Variants in QRICH1 observed in about 807,000 individuals in gnomAD.
The protein encoded by QRICH1 is glutamine rich 1.
QRICH1 carries 16 observed loss-of-function variants against 87.1 expected under a neutral mutation model. That is an observed-to-expected ratio of 0.18 (90% CI 0.12 to 0.28). The LOEUF is 0.28. Among genes scored for constraint, QRICH1 ranks in the 10% least tolerant of loss-of-function variants. The probability of loss-of-function intolerance (pLI) is 1.00; values close to 1 mark genes in which losing one functional copy is unlikely to be tolerated. For synonymous variants in QRICH1, 367 were observed against 368.4 expected, an observed-to-expected ratio of 1.00 and a Z score of 0.05; for missense variants, 647 against 951.7, an observed-to-expected ratio of 0.68 and a Z score of 4.21.
chr3:49,057,276 G>C lies in QRICH1; in HGVS notation c.924C>G (p.Thr308=). The change falls in exon 3 of 10, where the codon ACC becomes ACG. Residue 308 remains threonine (T), a synonymous_variant. Coordinates refer to ENST00000395443, the MANE Select transcript of QRICH1 (RefSeq NM_198880.3). The surrounding 1 kb of genome is among the most constrained non-coding windows in gnomAD (Gnocchi z 5.4). ...TGTITSPTGE[T]WTIPVYSAQP... ...GGGCAGAATAAACAGGGATGGTCCA[G>C]GTTTCTCCTGTAGGGCTAGTAATGG... 1 of 1,614,234 alleles carries C rather than the reference G, an allele frequency of 6.2e-7. No homozygotes were observed. The highest frequency in any genetic ancestry group is 8.5e-7 in the Non-Finnish European group (1 of 1,180,050).
intron 2 of QRICH1, among the ~76,000 whole-genome samples, chr3:49,059,002 C>T (rs1192609585): frequency 1.1e-4 from 17 of 149,844 alleles, no homozygotes; most frequent in African/African-American, 4.2e-4. Context: ...CGCTTTGTCG[C>T]CCAGGCTGGA....
chr3:49,053,486 CAAAAAAAAAAAA>C lies in QRICH1; in HGVS notation c.1338+3364_1338+3375del, dbSNP rs11417565. ...GGTGACAGAATGAGACCCCCTGTCT[CAAAAAAAAAAAA>C]AAAAAAACAAGTCTCAACAATGGGC... On this transcript the variant is annotated intron_variant, in intron 3 of 9. Transcript: ENST00000395443. 3.5e-5 allele frequency among the ~76,000 whole-genome samples: 4 copies of C among 112,916 alleles called. No homozygotes were observed. In the South Asian group the frequency reaches 1.2e-3, roughly 34 times the overall value. The allele number at this position is 112,916 out of a possible 152,430, so 74.1% of individuals were successfully genotyped here.
chr3:49,059,626 G>A lies in QRICH1; in HGVS notation c.310-1736C>T, dbSNP rs560349648. 2.8e-3 allele frequency among the ~76,000 whole-genome samples: 423 copies of A among 150,828 alleles called. 4 individuals carry two copies. Among genetic ancestry groups the A allele is most frequent in the African/African-American group, 9.8e-3 (401 of 41,092 alleles). On this transcript the variant is annotated intron_variant, in intron 2 of 9. Coordinates refer to ENST00000395443, the MANE Select transcript of QRICH1 (RefSeq NM_198880.3). ...GTAGAGACGAGGTTTCACCATGTTG[G>A]TTGGCCAGGATGGTCTCGATCTCTT...
intron 1 of QRICH1, chr3:49,093,353 T>G (rs1259240680): frequency 6.6e-6 from 1 of 152,048 alleles, no homozygotes; most frequent in Non-Finnish European, 1.5e-5. Flanking sequence ...CTGGTTGGTT[T>G]CTCTCCAGGC....
chr3:49,037,589 G>A (rs955872520), intron 6 of QRICH1, among the ~76,000 whole-genome samples: 9 of 152,146 alleles, frequency 5.9e-5, no homozygotes, highest in African/African-American at 2.2e-4. Context: ...AAAATTAGCT[G>A]GGTGTGGTGG....
At chr3:49,046,322 A>C (rs2093339444) in intron 5 of QRICH1, 103 bp downstream of exon 5, 1 of 1,279,846 alleles carries the variant, frequency 7.8e-7, no homozygotes, top group African/African-American at 1.5e-5. Context: ...CTGAAAGAGA[A>C]CTTCCTTATT....
chr3:49,083,090 C>G (rs2042094998), intron 1 of QRICH1: 1 of 150,934 alleles, frequency 6.6e-6, no homozygotes, highest in Admixed American at 6.7e-5. Context: ...CCTGTAATCC[C>G]AGCTACTTGG....
At chr3:49,088,618 GTTTT>G (rs1206382284) in intron 1 of QRICH1, among the ~76,000 whole-genome samples, 4 of 93,176 alleles carry the variant, frequency 4.3e-5, no homozygotes, top group Admixed American at 1.1e-4. Context: ...GCTTTTGTCT[GTTTT>G]TTTTTTTTTT....
chr3:49,070,412 T>C (rs1399946833), intron 2 of QRICH1, among the ~76,000 whole-genome samples: 1 of 152,026 alleles, frequency 6.6e-6, no homozygotes, highest in Admixed American at 6.6e-5. Flanking sequence ...ATGGTATTCA[T>C]TTTTTCCAAC....
intron 2 of QRICH1, among the ~76,000 whole-genome samples, chr3:49,069,744 T>A (rs1318052126): frequency 6.6e-6 from 1 of 151,840 alleles, no homozygotes; most frequent in Non-Finnish European, 1.5e-5. Flanking sequence ...CCTCCCAAAG[T>A]ACTGAGATTA....
intron 1 of QRICH1, chr3:49,083,533 T>G (rs1205260626): frequency 6.6e-6 from 1 of 152,062 alleles, no homozygotes; most frequent in Non-Finnish European, 1.5e-5. Context: ...TCCCATCTCT[T>G]AGAAATAATA....
intron 1 of QRICH1, chr3:49,093,302 C>T (rs979965909): frequency 6.6e-6 from 1 of 152,168 alleles, no homozygotes; most frequent in African/African-American, 2.4e-5. Context: ...GCAATCTCGC[C>T]CCCCTCACAG....
intron 2 of QRICH1, among the ~76,000 whole-genome samples, chr3:49,075,118 T>TCGAGGC (rs1444469116): frequency 6.6e-6 from 1 of 150,930 alleles, no homozygotes; most frequent in South Asian, 2.1e-4. Context: ...GGCCAAGAGT[T>TCGAGGC]CAAGACCAGC....
intron 2 of QRICH1, among the ~76,000 whole-genome samples, chr3:49,059,459 T>A (rs902551469): frequency 6.7e-6 from 1 of 148,338 alleles, no homozygotes. Flanking sequence ...GTCTCGCTGT[T>A]ACCAGGCTGG....
chr3:49,032,819 G>A lies in QRICH1; in HGVS notation c.1896-46C>T, dbSNP rs199969564. On this transcript the variant is annotated intron_variant, in intron 7 of 9. Transcript: ENST00000395443. Reference sequence around the variant, plus strand: ...AAGGCAGAGGGAGGGGTGCCGGGAGGATACCATGACTCATCCTCTGCCCAC... The same window carrying A: ...AAGGCAGAGGGAGGGGTGCCGGGAGAATACCATGACTCATCCTCTGCCCAC... 5 of 1,575,062 alleles carry A rather than the reference G, an allele frequency of 3.2e-6. No individual in the cohort carries two copies. The African/African-American group carries it at 6.8e-5, about 22-fold the overall frequency.
intron 2 of QRICH1, among the ~76,000 whole-genome samples, chr3:49,068,092 C>A (rs1318224492): frequency 1.3e-5 from 2 of 152,144 alleles, no homozygotes; most frequent in Non-Finnish European, 2.9e-5. Flanking sequence ...AAGTGCTGTG[C>A]TCATGCCTGT....
intron 3 of QRICH1, among the ~76,000 whole-genome samples, chr3:49,050,862 T>G (rs1381416335): frequency 6.6e-6 from 1 of 152,030 alleles, no homozygotes; most frequent in African/African-American, 2.4e-5. Flanking sequence ...AGCCGCTGAG[T>G]GACCCATGCA....
intron 2 of QRICH1, chr3:49,058,159 T>A: frequency 2.7e-5 from 13 of 489,462 alleles, no homozygotes; most frequent in Middle Eastern, 3.7e-4. Context: ...AAAAAAAAAT[T>A]TTTTTTTTTT....
intron 3 of QRICH1, among the ~76,000 whole-genome samples, chr3:49,047,942 A>AAAAAC (rs544818113): frequency 1.3e-5 from 2 of 152,164 alleles, no homozygotes; most frequent in Non-Finnish European, 2.9e-5. Context: ...AGAAAAAAGA[A>AAAAAC]AAAACAAAAC....
Sources: gnomAD v4.1 joint callset for allele counts (sites outside exome capture counted in the v4.1 genomes callset) on GRCh38, gnomAD v4.1.1 for gene constraint, Gnocchi (gnomAD v3.1) non-coding constraint, MANE v1.5 for transcripts, NCBI Gene and HGNC (gene_info 2026-07-23, HGNC 2026-07-21) for gene names.